TG: variants seen among roughly 807,000 people sequenced by gnomAD.
TG encodes the protein thyroid hormones.
In TG, 270 loss-of-function variants were observed where a neutral mutation model predicts 324.7. The ratio of observed to expected loss-of-function variants is 0.83; its 90% confidence interval spans 0.75 to 0.92. The LOEUF is 0.92. Ranked by LOEUF, TG falls within the 40% of genes least tolerant of loss-of-function variation. The probability of loss-of-function intolerance (pLI) is 0.00; values close to 1 mark genes in which losing one functional copy is unlikely to be tolerated. For synonymous variants in TG, 1,401 were observed against 1,327.0 expected, an observed-to-expected ratio of 1.06 and a Z score of -1.21; for missense variants, 3,591 against 3,456.4, an observed-to-expected ratio of 1.04 and a Z score of -0.98.
Position 133,013,617 on chromosome 8 carries a change from G to A in TG, c.6415G>A (p.Ala2139Thr), listed in dbSNP as rs767357278. Residue 2139 changes from alanine (A) to threonine (T), a missense_variant, in exon 37 of 48, where the codon GCC becomes ACC. Coordinates refer to ENST00000220616, the MANE Select transcript of TG (RefSeq NM_003235.5). ...LCLSECSQHE[A>T]CLITTLQTQP... ...TTCTGCAGAATGTTCCCAACATGAG[G>A]CCTGTCTCATCACCACTCTGCAAAC... 4.3e-6 allele frequency: 7 copies of A among 1,614,074 alleles called. No individual in the cohort carries two copies. The highest frequency in any genetic ancestry group is 5.9e-6 in the Non-Finnish European group (7 of 1,180,056).
At chr8:132,869,850 C>T in intron 3 of TG, 24 bp downstream of exon 3, 1 of 1,603,692 alleles carries the variant, frequency 6.2e-7, no homozygotes, top group Non-Finnish European at 8.5e-7. Context: ...GGGGACGTCC[C>T]TTGGAGGGAC....
At chr8:133,119,001 G>A (rs912895575) in intron 45 of TG, among the ~76,000 whole-genome samples, 1 of 152,180 alleles carries the variant, frequency 6.6e-6, no homozygotes, top group African/African-American at 2.4e-5. Context: ...CTGGAGTGAT[G>A]TGGCCACAAG....
chr8:133,085,782 A>G (rs1299828033), intron 41 of TG, among the ~76,000 whole-genome samples: 1 of 152,250 alleles, frequency 6.6e-6, no homozygotes, highest in East Asian at 1.9e-4. Flanking sequence ...AATATAAAAT[A>G]ATGCGGCCAC....
chr8:133,113,551 C>A lies in TG; in HGVS notation c.7702C>A (p.His2568Asn), dbSNP rs778821869. The change falls in exon 44 of 48, where the codon CAC (histidine) becomes AAC (asparagine). Residue 2568 changes from histidine (H) to asparagine (N), a missense_variant. Physicochemically the swap from His to Asn is moderately conservative, Grantham distance 68. Coordinates refer to ENST00000220616, the MANE Select transcript of TG (RefSeq NM_003235.5). Reference sequence around the variant, plus strand: ...TGCTACATGGTATTACTCTCTGGAGCACTCCACGGATGACTATGCCTCCTT... The same window carrying A: ...TGCTACATGGTATTACTCTCTGGAGAACTCCACGGATGACTATGCCTCCTT... ...AAATWYYSLE[H>N]STDDYASFSR... 6.2e-7 allele frequency: 1 copy of A among 1,614,054 alleles called. No individual in the cohort carries two copies. The highest frequency in any genetic ancestry group is 8.5e-7 in the Non-Finnish European group (1 of 1,180,042).
rs1272854811 is a variant in TG, at chr8:132,901,249, G to A, written c.3434-104G>A. 6 of 1,376,486 alleles carry A rather than the reference G, an allele frequency of 4.4e-6. No homozygotes were observed. The Admixed American group carries it at 5.1e-5, about 12-fold the overall frequency. The allele number at this position is 1,376,486 out of a possible 1,614,324, so 85.3% of individuals were successfully genotyped here. A position where few individuals can be genotyped will look rare whatever the true frequency, so the allele number is the denominator to read the frequency against. ...CCCAGACCCCTGGAAGGCCCTGCAGGCAGGTGGGCTGAGGGTGGCCGTGGG... is the reference window on the plus strand; with the variant it reads ...CCCAGACCCCTGGAAGGCCCTGCAGACAGGTGGGCTGAGGGTGGCCGTGGG... On this transcript the variant is annotated intron_variant, in intron 15 of 47. Transcript: ENST00000220616.
At chr8:132,938,713 G>A (rs774510108) in intron 25 of TG, among the ~76,000 whole-genome samples, 4 of 152,142 alleles carry the variant, frequency 2.6e-5, no homozygotes, top group Admixed American at 1.3e-4. Context: ...GGTCAGGGAA[G>A]GAATCACAGA....
chr8:132,894,580 ACCT>A (rs930991518), intron 11 of TG, among the ~76,000 whole-genome samples: 1 of 151,778 alleles, frequency 6.6e-6, no homozygotes, highest in African/African-American at 2.4e-5. Context: ...CACCTCAGCC[ACCT>A]GAGTAGCTGG....
chr8:132,995,499 T>C, intron 35 of TG: 1 of 985,384 alleles, frequency 1.0e-6, no homozygotes, highest in Non-Finnish European at 1.2e-6. Context: ...TCCATGGTGC[T>C]GGACTCACTT....
chr8:132,900,591 C>T (rs1817778742), intron 15 of TG, among the ~76,000 whole-genome samples: 1 of 152,234 alleles, frequency 6.6e-6, no homozygotes, highest in African/African-American at 2.4e-5. Context: ...TGCAAACCAG[C>T]ATTGATCCCC....
chr8:133,068,590 AT>A (rs1325016245), intron 41 of TG, among the ~76,000 whole-genome samples: 1 of 152,078 alleles, frequency 6.6e-6, no homozygotes, highest in African/African-American at 2.4e-5. Flanking sequence ...TCATGGAAGG[AT>A]TGGCAAGAGG....
At chr8:132,911,228 A>G in intron 18 of TG, 149 bp from the exon 19 acceptor site, 1 of 1,368,980 alleles carries the variant, frequency 7.3e-7, no homozygotes, top group Non-Finnish European at 1.0e-6. Flanking sequence ...GATGTGGAAA[A>G]GGGGGTCACT....
intron 22 of TG, among the ~76,000 whole-genome samples, chr8:132,927,609 T>C (rs1822068775): frequency 6.6e-6 from 1 of 152,242 alleles, no homozygotes; most frequent in Non-Finnish European, 1.5e-5. Context: ...CTGTTCTGCT[T>C]GGCCATGAGC....
chr8:132,872,681 G>C (rs1839606126), intron 4 of TG, among the ~76,000 whole-genome samples: 2 of 152,008 alleles, frequency 1.3e-5, no homozygotes, highest in African/African-American at 4.8e-5. Context: ...TCCGTTCATG[G>C]TAAGTACCCC....
At chr8:133,118,894 G>A (rs758598397) in intron 45 of TG, among the ~76,000 whole-genome samples, 1 of 152,266 alleles carries the variant, frequency 6.6e-6, no homozygotes, top group East Asian at 1.9e-4. Flanking sequence ...GGATTATCCC[G>A]TGAGGGCCCT....
chr8:133,064,257 C>T (rs1842778140), intron 41 of TG: 1 of 152,208 alleles, frequency 6.6e-6, no homozygotes, highest in African/African-American at 2.4e-5. Context: ...GCAATCAAGA[C>T]TCAATGGTTT....
intron 43 of TG, among the ~76,000 whole-genome samples, chr8:133,104,508 C>T (rs4236900): frequency 0.76 from 115,283 of 152,108 alleles, 44,776 homozygotes; most frequent in African/African-American, 0.91. Flanking sequence ...GGATATATCT[C>T]GCGTTGGCAG....
intron 35 of TG, among the ~76,000 whole-genome samples, chr8:133,007,608 C>T (rs1030329264): frequency 6.6e-5 from 10 of 151,800 alleles, no homozygotes; most frequent in African/African-American, 2.2e-4. Flanking sequence ...TGTTTTAGGA[C>T]GGAACTCGAA....
chr8:133,130,907 A>C (rs996304955), intron 45 of TG, among the ~76,000 whole-genome samples: 15 of 152,160 alleles, frequency 9.9e-5, no homozygotes, highest in Middle Eastern at 3.4e-3. Context: ...AAAGTCGGCC[A>C]GACATCACTG....
chr8:133,038,687 G>T lies in TG; in HGVS notation c.7239+8664G>T, dbSNP rs749017009. On this transcript the variant is annotated intron_variant, in intron 41 of 47. Transcript: ENST00000220616. ...CTCTCGAAGGCCATAGCTGAAAAGG[G>T]ACTCGTCTACCCCAAGCGGGTTCTC... The T allele has an allele frequency of 2.5e-6, 4 of 1,614,136 alleles. No individual in the cohort carries two copies. The South Asian group carries it at 3.3e-5, about 13-fold the overall frequency.
Sources: allele counts gnomAD v4.1 joint callset (sites outside exome capture counted in the v4.1 genomes callset), GRCh38; gene constraint gnomAD v4.1.1; transcripts MANE v1.5; gene names NCBI Gene and HGNC (gene_info 2026-07-23, HGNC 2026-07-21).